DDAH1: variants seen among roughly 807,000 people sequenced by gnomAD.
The protein encoded by DDAH1 is N(G),N(G)-dimethylarginine dimethylaminohydrolase 1.
Under a neutral mutation model 28.8 loss-of-function variants are expected in DDAH1, and 19 were observed. That is an observed-to-expected ratio of 0.66 (90% CI 0.46 to 0.97). The LOEUF is 0.97. Ranked by LOEUF, DDAH1 falls within the 50% of genes least tolerant of loss-of-function variation. DDAH1 has a pLI of 0.00. For missense variants in DDAH1, 326 were observed against 375.9 expected (o/e 0.87, Z 1.10); for synonymous variants, 153 against 154.4 (o/e 0.99, Z 0.07).
chr1:85,442,280 T>C (rs1269690721), intron 1 of DDAH1, among the ~76,000 whole-genome samples: 2 of 152,192 alleles, frequency 1.3e-5, no homozygotes, highest in African/African-American at 4.8e-5. Flanking sequence ...CATGCAGTGT[T>C]TGGTTTTCTG....
intron 1 of DDAH1, among the ~76,000 whole-genome samples, chr1:85,557,390 C>A (rs1659002776): frequency 6.6e-6 from 1 of 152,114 alleles, no homozygotes; most frequent in Non-Finnish European, 1.5e-5. Flanking sequence ...ATGCTTACAA[C>A]AATGTTATAA....
At chr1:85,479,774 T>C (rs898551598) in intron 2 of DDAH1, among the ~76,000 whole-genome samples, 1 of 152,170 alleles carries the variant, frequency 6.6e-6, no homozygotes, top group African/African-American at 2.4e-5. Flanking sequence ...TTGATCCCTT[T>C]AGGGTGAAAA....
intron 2 of DDAH1, chr1:85,494,927 T>C (rs1656531113): frequency 1.3e-5 from 2 of 152,236 alleles, no homozygotes; most frequent in South Asian, 4.1e-4. Context: ...AAGATTCCCA[T>C]TGTGGACTCA....
chr1:85,476,116 C>A (rs1428645614), intron 2 of DDAH1, among the ~76,000 whole-genome samples: 1 of 152,212 alleles, frequency 6.6e-6, no homozygotes, highest in Non-Finnish European at 1.5e-5. Flanking sequence ...TCTGCCTCAA[C>A]CTCCCAAAGT....
intron 1 of DDAH1, among the ~76,000 whole-genome samples, chr1:85,542,985 C>T (rs1330407790): frequency 6.6e-6 from 1 of 152,136 alleles, no homozygotes; most frequent in Non-Finnish European, 1.5e-5. Context: ...AAGTAACTCG[C>T]CCAAGATCAC....
chr1:85,548,832 TCA>T (rs1658705631), intron 1 of DDAH1, among the ~76,000 whole-genome samples: 1 of 152,204 alleles, frequency 6.6e-6, no homozygotes, highest in Admixed American at 6.5e-5. Flanking sequence ...ATAATTACAT[TCA>T]CATAGTGTAA....
At chr1:85,417,222 A>G (rs1975755) in intron 1 of DDAH1, among the ~76,000 whole-genome samples, 116,839 of 152,130 alleles carry the variant, frequency 0.77, 45,210 homozygotes, top group Middle Eastern at 0.86. Context: ...AGGCTCTGTG[A>G]AGCACAGCGT....
At chr1:85,373,735 C>T (rs1650509897) in intron 1 of DDAH1, among the ~76,000 whole-genome samples, 1 of 152,032 alleles carries the variant, frequency 6.6e-6, no homozygotes, top group Admixed American at 6.6e-5. Flanking sequence ...ATACAGTATC[C>T]TTATAAATAC....
intron 1 of DDAH1, among the ~76,000 whole-genome samples, chr1:85,402,896 G>A (rs374595125): frequency 1.7e-5 from 2 of 118,340 alleles, no homozygotes; most frequent in South Asian, 3.3e-4. Flanking sequence ...GTGACAGAGC[G>A]AGACTCCATC....
intron 1 of DDAH1, among the ~76,000 whole-genome samples, chr1:85,400,177 C>CTTTTTTTTTTTTTTTTTT (rs61677601): frequency 1.8e-5 from 1 of 54,942 alleles, no homozygotes; most frequent in Non-Finnish European, 4.0e-5. Context: ...CTTTTCTTTT[C>CTTTTTTTTTTTTTTTTTT]TTTTTTTTTT....
intron 1 of DDAH1, among the ~76,000 whole-genome samples, chr1:85,374,847 A>C (rs939408981): frequency 3.9e-5 from 6 of 152,190 alleles, no homozygotes; most frequent in Non-Finnish European, 8.8e-5. Context: ...TTTCTGAAAA[A>C]AATTATCTTC....
intron 1 of DDAH1, chr1:85,376,748 T>G (rs527431494): frequency 5.3e-5 from 8 of 151,588 alleles, no homozygotes; most frequent in South Asian, 4.2e-4. Flanking sequence ...ATAAAGTGTT[T>G]TTTTTTTTTT....
In DDAH1 at chr1:85,476,744, C is replaced by G. The variant is rs147969911; in HGVS notation, c.-7+19422G>C. Among the ~76,000 whole-genome samples, 282 of 152,288 alleles carry G rather than the reference C, an allele frequency of 1.9e-3. 5 individuals carry two copies. In the South Asian group the frequency reaches 0.022, roughly 12 times the overall value. On this transcript the variant is annotated intron_variant, in intron 2 of 6. Transcript: ENST00000426972. ...AACAGACACTTTCTCTTGATGGAAG[C>G]AGTGTGTATCATTAACCAGTCACAC... is the stretch of plus-strand genomic sequence containing the variant.
intron 1 of DDAH1, among the ~76,000 whole-genome samples, chr1:85,388,940 T>C (rs1651411122): frequency 6.6e-6 from 1 of 152,196 alleles, no homozygotes; most frequent in African/African-American, 2.4e-5. Flanking sequence ...TTCACAGGTT[T>C]TGAAATTAAA....
chr1:85,500,111 TTCTTTTCTTTC>T (rs1656747304), intron 1 of DDAH1, among the ~76,000 whole-genome samples: 2 of 24,610 alleles, frequency 8.1e-5, no homozygotes, highest in African/African-American at 2.3e-4. Context: ...CCTCTTTCTT[TTCTTTTCTTTC>T]TTTCTTTCTT....
chr1:85,511,748 G>A (rs1433842155), intron 1 of DDAH1, among the ~76,000 whole-genome samples: 2 of 152,156 alleles, frequency 1.3e-5, no homozygotes, highest in Non-Finnish European at 2.9e-5. Context: ...AGAAAATCTA[G>A]AAGAAATGGA....
chr1:85,415,726 T>C (rs1003586396), intron 1 of DDAH1, among the ~76,000 whole-genome samples: 2 of 152,162 alleles, frequency 1.3e-5, no homozygotes, highest in Admixed American at 6.5e-5. Flanking sequence ...AGGGAATAGG[T>C]TGACATAAAA....
At chr1:85,341,855 C>T (rs1648510860) in intron 4 of DDAH1, among the ~76,000 whole-genome samples, 2 of 152,060 alleles carry the variant, frequency 1.3e-5, no homozygotes, top group Non-Finnish European at 2.9e-5. Flanking sequence ...AAAAAAACCC[C>T]AGATGTTCCA....
chr1:85,474,250 T>G (rs921005333), intron 2 of DDAH1, among the ~76,000 whole-genome samples: 1 of 152,238 alleles, frequency 6.6e-6, no homozygotes, highest in Non-Finnish European at 1.5e-5. Flanking sequence ...CCTAGATTAC[T>G]GCAACAGCCA....
Sources: allele counts gnomAD v4.1 joint callset (sites outside exome capture counted in the v4.1 genomes callset), GRCh38; gene constraint gnomAD v4.1.1; transcripts MANE v1.5; gene names NCBI Gene and HGNC (gene_info 2026-07-23, HGNC 2026-07-21).